Variants in ROBO1 observed in about 807,000 individuals in gnomAD.
ROBO1 encodes roundabout homolog 1.
In ROBO1, 149 loss-of-function variants were observed where a neutral mutation model predicts 195.9. The observed-to-expected ratio is 0.76, with a 90% CI of 0.67 to 0.87. ROBO1 has a LOEUF of 0.87. Among genes scored for constraint, ROBO1 ranks in the 40% least tolerant of loss-of-function variants. The pLI, the probability that ROBO1 is intolerant of heterozygous loss-of-function variation, is 0.00. For synonymous variants in ROBO1, 816 were observed against 733.2 expected, an observed-to-expected ratio of 1.11 and a Z score of -1.82; for missense variants, 1,933 against 2,068.3, an observed-to-expected ratio of 0.93 and a Z score of 1.27.
At chr3:79,743,547 C>A (rs962088986) in intron 1 of ROBO1, among the ~76,000 whole-genome samples, 1 of 152,258 alleles carries the variant, frequency 6.6e-6, no homozygotes. Flanking sequence ...ATTTATTTTA[C>A]AAAATTCTTT....
intron 2 of ROBO1, among the ~76,000 whole-genome samples, chr3:79,135,536 T>A (rs971268340): frequency 1.3e-5 from 2 of 152,216 alleles, no homozygotes; most frequent in Non-Finnish European, 2.9e-5. Flanking sequence ...AATTAAGGCA[T>A]GAGATATCAT....
intron 4 of ROBO1, among the ~76,000 whole-genome samples, chr3:78,831,627 A>T (rs2032216918): frequency 6.6e-6 from 1 of 152,222 alleles, no homozygotes; most frequent in South Asian, 2.1e-4. Context: ...ACTCAAAACC[A>T]TTCACTAAAA....
chr3:78,974,814 A>G (rs867857713), intron 3 of ROBO1, among the ~76,000 whole-genome samples: 6 of 152,346 alleles, frequency 3.9e-5, no homozygotes, highest in South Asian at 2.1e-4. Flanking sequence ...TCATTTGAGA[A>G]TGGATAAATG....
chr3:79,615,614 CA>C (rs1041935397), intron 1 of ROBO1, among the ~76,000 whole-genome samples: 3 of 152,022 alleles, frequency 2.0e-5, no homozygotes, highest in African/African-American at 7.2e-5. Context: ...TGAAAAAGAA[CA>C]AAATATGAGG....
chr3:79,441,617 A>C (rs2039057345), intron 2 of ROBO1, among the ~76,000 whole-genome samples: 2 of 152,118 alleles, frequency 1.3e-5, no homozygotes, highest in Non-Finnish European at 2.9e-5. Flanking sequence ...TAGTCCTTCA[A>C]ATAACTTCAT....
In ROBO1 at chr3:79,739,564, CAT is replaced by C. The variant is rs373288972; in HGVS notation, c.-51+28186_-51+28187del. On this transcript the variant is annotated intron_variant, in intron 1 of 30. Coordinates refer to ENST00000464233, the MANE Select transcript of ROBO1 (RefSeq NM_002941.4). ...TACATTACCACAAAACACAAAAGAA[CAT>C]GTTTCAATTAGCAAATGGAGGCTAT... 5.7e-3 allele frequency among the ~76,000 whole-genome samples: 864 copies of C among 152,074 alleles called. 7 individuals are homozygous for C. The highest frequency in any genetic ancestry group is 0.018 in the African/African-American group (747 of 41,510).
rs369021063 is a variant in ROBO1, at chr3:79,107,127, T to TCACACA, written c.172+18323_172+18328dup. On this transcript the variant is annotated intron_variant, in intron 3 of 30. Transcript: ENST00000464233. ...CTCTTTCTCTCTCTCTCTCTCTCTC[T>TCACACA]CACACACACACACACACACACACAC... Among the ~76,000 whole-genome samples, 939 of 136,444 alleles carry TCACACA rather than the reference T, an allele frequency of 6.9e-3. 4 individuals are homozygous for TCACACA. Among genetic ancestry groups the TCACACA allele is most frequent in the African/African-American group, 0.016 (590 of 37,796 alleles). 89.5% of individuals were successfully genotyped at this position (136,444 alleles called of 152,430 possible).
chr3:79,269,997 T>C (rs1228702095), intron 2 of ROBO1, among the ~76,000 whole-genome samples: 1 of 151,850 alleles, frequency 6.6e-6, no homozygotes, highest in Non-Finnish European at 1.5e-5. Context: ...GCAGTAAAGA[T>C]GGTTGTTGAA....
At chr3:79,572,657 C>G (rs1016939560) in intron 2 of ROBO1, among the ~76,000 whole-genome samples, 5 of 151,974 alleles carry the variant, frequency 3.3e-5, no homozygotes, top group Non-Finnish European at 7.4e-5. Flanking sequence ...ATTATATCCT[C>G]AACTATGAAA....
intron 3 of ROBO1, among the ~76,000 whole-genome samples, chr3:79,018,117 G>T (rs1040750895): frequency 2.6e-5 from 4 of 152,118 alleles, no homozygotes; most frequent in African/African-American, 9.7e-5. Context: ...GTGCTTAGAC[G>T]TGCGTTTGCC....
At chr3:79,756,395 C>T (rs1363188432) in intron 1 of ROBO1, among the ~76,000 whole-genome samples, 1 of 151,676 alleles carries the variant, frequency 6.6e-6, no homozygotes, top group Non-Finnish European at 1.5e-5. Flanking sequence ...ACTAAAAATA[C>T]AAAATTAGCC....
chr3:79,609,007 T>A (rs1303399067), intron 1 of ROBO1, among the ~76,000 whole-genome samples: 1 of 151,916 alleles, frequency 6.6e-6, no homozygotes, highest in Non-Finnish European at 1.5e-5. Context: ...TAAATAAGCC[T>A]TAGCATTCGT....
intron 3 of ROBO1, among the ~76,000 whole-genome samples, chr3:79,062,032 G>A (rs1214297768): frequency 6.6e-6 from 1 of 152,004 alleles, no homozygotes; most frequent in Non-Finnish European, 1.5e-5. Context: ...CTTCTGCACA[G>A]GAAAATCAAG....
At chr3:78,599,413 T>C (rs1431825740) in intron 30 of ROBO1, among the ~76,000 whole-genome samples, 1 of 152,196 alleles carries the variant, frequency 6.6e-6, no homozygotes, top group Non-Finnish European at 1.5e-5. Context: ...TATAGGACTT[T>C]CAATTAGACA....
chr3:79,426,696 A>G (rs2038460744), intron 2 of ROBO1, among the ~76,000 whole-genome samples: 1 of 152,076 alleles, frequency 6.6e-6, no homozygotes, highest in Non-Finnish European at 1.5e-5. Flanking sequence ...TATCATGCCT[A>G]TCTCACAGTA....
At chr3:79,038,176 A>T (rs545030647) in intron 3 of ROBO1, among the ~76,000 whole-genome samples, 1 of 152,210 alleles carries the variant, frequency 6.6e-6, no homozygotes, top group Non-Finnish European at 1.5e-5. Flanking sequence ...CAAGTTTAGT[A>T]GAGTCTCATC....
intron 21 of ROBO1, among the ~76,000 whole-genome samples, chr3:78,642,808 G>A (rs1048622232): frequency 6.6e-6 from 1 of 152,040 alleles, no homozygotes; most frequent in Admixed American, 6.6e-5. Flanking sequence ...CTCTTTTCCA[G>A]GAATAGCCAC....
At chr3:79,181,993 C>T (rs2108733665) in intron 2 of ROBO1, among the ~76,000 whole-genome samples, 1 of 149,208 alleles carries the variant, frequency 6.7e-6, no homozygotes, top group Admixed American at 6.7e-5. Flanking sequence ...ATTTTATTCA[C>T]TTTTATATAT....
At chr3:79,552,388 A>G (rs1275672351) in intron 2 of ROBO1, among the ~76,000 whole-genome samples, 1 of 152,010 alleles carries the variant, frequency 6.6e-6, no homozygotes, top group African/African-American at 2.4e-5. Context: ...CCTTCCAGTG[A>G]CTTGTGCAAT....
Sources: gnomAD v4.1 joint callset for allele counts (sites outside exome capture counted in the v4.1 genomes callset) on GRCh38, gnomAD v4.1.1 for gene constraint, MANE v1.5 for transcripts, NCBI Gene and HGNC (gene_info 2026-07-23, HGNC 2026-07-21) for gene names.